Variants in ASH1L observed in about 807,000 individuals in gnomAD.
ASH1L encodes histone-lysine N-methyltransferase ASH1L.
ASH1L carries 23 observed loss-of-function variants against 269.0 expected under a neutral mutation model. The observed-to-expected ratio is 0.09, with a 90% CI of 0.06 to 0.12. ASH1L has a LOEUF of 0.12. Ranked by LOEUF, ASH1L falls within the 10% of genes least tolerant of loss-of-function variation. ASH1L has a pLI of 1.00. For synonymous variants in ASH1L, 1,187 were observed against 1,253.5 expected (o/e 0.95, Z 1.12); for missense variants, 2,912 against 3,567.8 (o/e 0.82, Z 4.68).
At chr1:155,530,576 A>AT (rs1002542865) in intron 1 of ASH1L, among the ~76,000 whole-genome samples, 3 of 151,284 alleles carry the variant, frequency 2.0e-5, no homozygotes, top group African/African-American at 7.3e-5. Context: ...AAAAAAAAAA[A>AT]AATACAAAAA....
At chr1:155,528,994 C>T (rs1403067978) in intron 1 of ASH1L, among the ~76,000 whole-genome samples, 4 of 152,044 alleles carry the variant, frequency 2.6e-5, no homozygotes, top group Non-Finnish European at 5.9e-5. Context: ...AGATAATGGC[C>T]TCCACTCCAT....
intron 4 of ASH1L, among the ~76,000 whole-genome samples, chr1:155,452,855 C>T (rs1663589771): frequency 6.6e-6 from 1 of 152,184 alleles, no homozygotes; most frequent in Non-Finnish European, 1.5e-5. Context: ...CCACGTCTGA[C>T]CAAGATGTAA....
chr1:155,532,721 G>T (rs1339935659), intron 1 of ASH1L, among the ~76,000 whole-genome samples: 2 of 151,478 alleles, frequency 1.3e-5, no homozygotes, highest in African/African-American at 4.9e-5. Flanking sequence ...TACTCAGGAG[G>T]CTGAGGCAGA....
At chr1:155,503,909 C>G (rs1443658587) in intron 2 of ASH1L, among the ~76,000 whole-genome samples, 3 of 152,054 alleles carry the variant, frequency 2.0e-5, no homozygotes, top group Non-Finnish European at 4.4e-5. Context: ...ATTTTTTGTA[C>G]AGGGGGGTTT....
intron 2 of ASH1L, among the ~76,000 whole-genome samples, chr1:155,494,339 A>C (rs899975282): frequency 3.3e-5 from 5 of 152,226 alleles, no homozygotes; most frequent in African/African-American, 4.8e-5. Flanking sequence ...GGTGGTAGGA[A>C]AATGGACATT....
Position 155,423,423 on chromosome 1 carries a change from C to CA in ASH1L, c.5829-7501dup, listed in dbSNP as rs530169433. 1.2e-3 allele frequency among the ~76,000 whole-genome samples: 185 copies of CA among 151,768 alleles called. 1 individual carries two copies. The highest frequency in any genetic ancestry group is 4.2e-3 in the African/African-American group (175 of 41,458). ...GTGAAACCCCGTCTCTACTAAAATGCAAAAAATTAGCCGGGTGCGGTGGTA... is the reference window on the plus strand; with the variant it reads ...GTGAAACCCCGTCTCTACTAAAATGCAAAAAAATTAGCCGGGTGCGGTGGTA... On this transcript the variant is annotated intron_variant, in intron 5 of 27. Coordinates refer to ENST00000392403, the MANE Select transcript of ASH1L (RefSeq NM_018489.3).
At chr1:155,476,213 T>C (rs1665531033) in intron 3 of ASH1L, among the ~76,000 whole-genome samples, 1 of 151,994 alleles carries the variant, frequency 6.6e-6, no homozygotes, top group African/African-American at 2.4e-5. Flanking sequence ...GGTGAAACCC[T>C]GTCTCTACTA....
intron 4 of ASH1L, among the ~76,000 whole-genome samples, chr1:155,443,518 A>G (rs1015200303): frequency 6.6e-6 from 1 of 152,218 alleles, no homozygotes; most frequent in African/African-American, 2.4e-5. Flanking sequence ...TTTACCATGT[A>G]GCCATCATCA....
chr1:155,344,349 C>T, intron 21 of ASH1L, 76 bp from the exon 22 acceptor site: 16 of 1,144,826 alleles, frequency 1.4e-5, no homozygotes, highest in Non-Finnish European at 2.1e-5. Context: ...ACCTAGAATT[C>T]TCAATCAAAA....
At chr1:155,504,250 C>G (rs1667681495) in intron 2 of ASH1L, among the ~76,000 whole-genome samples, 1 of 152,160 alleles carries the variant, frequency 6.6e-6, no homozygotes, top group South Asian at 2.1e-4. Context: ...AATATATACA[C>G]ATACGGAGAA....
intron 4 of ASH1L, among the ~76,000 whole-genome samples, chr1:155,453,748 G>A (rs1201895247): frequency 2.6e-5 from 4 of 152,034 alleles, no homozygotes; most frequent in Admixed American, 1.3e-4. Flanking sequence ...TCAGTAAGCC[G>A]AGATTGCACC....
chr1:155,546,735 T>TGAC (rs1385883461), intron 1 of ASH1L, among the ~76,000 whole-genome samples: 5 of 151,046 alleles, frequency 3.3e-5, no homozygotes, highest in Non-Finnish European at 7.4e-5. Flanking sequence ...TCCACCCTGG[T>TGAC]GACAGAGCAA....
chr1:155,432,878 G>T (rs1301871921), intron 5 of ASH1L, among the ~76,000 whole-genome samples: 1 of 152,108 alleles, frequency 6.6e-6, no homozygotes, highest in African/African-American at 2.4e-5. Flanking sequence ...TGGGACCACA[G>T]GCGTGCAACA....
intron 3 of ASH1L, among the ~76,000 whole-genome samples, chr1:155,470,275 A>G (rs1276809020): frequency 2.0e-5 from 3 of 151,992 alleles, no homozygotes; most frequent in Non-Finnish European, 4.4e-5. Context: ...CCTGGTCAAC[A>G]TGGTGAAACT....
At chr1:155,357,267 G>T (rs764678176) in intron 15 of ASH1L, 49 bp downstream of exon 15, 2 of 1,445,504 alleles carry the variant, frequency 1.4e-6, no homozygotes, top group African/African-American at 2.8e-5. Flanking sequence ...ACACAGATAA[G>T]CAATCATGTA....
At position 155,562,462 on chromosome 1, in the gene ASH1L, C is replaced by T; in HGVS notation, c.-409G>A. On this transcript the variant is annotated 5_prime_UTR_variant, in exon 1 of 28. Transcript: ENST00000392403. The stretch of plus-strand genomic sequence containing the variant: ...GGCGGCGGCAGCAGCAGAGTGGCGG[C>T]GGTGGCGGCGGCAGCTCCTCCAGAG... 2.8e-6 allele frequency: 4 copies of T among 1,453,964 alleles called. No homozygotes were observed. The highest frequency in any genetic ancestry group is 3.7e-6 in the Non-Finnish European group (4 of 1,071,788). The allele number at this position is 1,453,964 out of a possible 1,614,324, so 90.1% of individuals were successfully genotyped here.
At chr1:155,422,726 G>GCA (rs1274580814) in intron 5 of ASH1L, among the ~76,000 whole-genome samples, 3 of 149,668 alleles carry the variant, frequency 2.0e-5, no homozygotes, top group African/African-American at 7.4e-5. Flanking sequence ...TCGGCTCACT[G>GCA]CAGCCTCCAC....
intron 7 of ASH1L, among the ~76,000 whole-genome samples, chr1:155,385,856 G>A (rs1446341762): frequency 6.6e-6 from 1 of 152,148 alleles, no homozygotes; most frequent in African/African-American, 2.4e-5. Flanking sequence ...GGGGGATGGG[G>A]AAGCTCCCCA....
At chr1:155,411,086 G>T (rs1558075053) in intron 6 of ASH1L, among the ~76,000 whole-genome samples, 1 of 152,142 alleles carries the variant, frequency 6.6e-6, no homozygotes, top group Non-Finnish European at 1.5e-5. Flanking sequence ...ATGGTGTGGT[G>T]TAACAGTGGG....
Sources: allele counts gnomAD v4.1 joint callset (sites outside exome capture counted in the v4.1 genomes callset), GRCh38; gene constraint gnomAD v4.1.1; transcripts MANE v1.5; gene names NCBI Gene and HGNC (gene_info 2026-07-23, HGNC 2026-07-21).